Variants in CIC observed in about 807,000 individuals in gnomAD.
CIC encodes the protein protein capicua homolog.
CIC carries 18 observed loss-of-function variants against 115.7 expected under a neutral mutation model. That is an observed-to-expected ratio of 0.16 (90% CI 0.11 to 0.23). The LOEUF (loss-of-function observed/expected upper bound fraction) is 0.23, where lower values mean the gene tolerates loss of function less well. CIC is among the 10% of genes least tolerant of loss of function. The probability of loss-of-function intolerance (pLI) is 1.00; values close to 1 mark genes in which losing one functional copy is unlikely to be tolerated. For synonymous variants in CIC, 1,076 were observed against 923.0 expected, an observed-to-expected ratio of 1.17 and a Z score of -3.01; for missense variants, 2,000 against 2,159.3, an observed-to-expected ratio of 0.93 and a Z score of 1.46.
Position 42,280,718 on chromosome 19 carries a change from G to A in CIC, c.2795-6053G>A, listed in dbSNP as rs2037195880. On this transcript the variant is annotated intron_variant, in intron 2 of 20. Transcript: ENST00000681038. The surrounding 1 kb of genome is among the most constrained non-coding windows in gnomAD (Gnocchi z 4.9). Reference sequence around the variant, plus strand: ...AAGCGGCTTTGTGGAGCCTGCCGGGGGTTGGCTGGGGGCCAGGCGGCGAGT... The same window carrying A: ...AAGCGGCTTTGTGGAGCCTGCCGGGAGTTGGCTGGGGGCCAGGCGGCGAGT... Among the ~76,000 whole-genome samples the A allele has an allele frequency of 6.6e-6, 1 of 152,114 alleles. No homozygotes were observed. The highest frequency in any genetic ancestry group is 2.4e-5 in the African/African-American group (1 of 41,432).
Position 42,292,632 on chromosome 19 carries a change from C to T in CIC, c.5969C>T (p.Pro1990Leu), listed in dbSNP as rs746217053. 1.2e-5 allele frequency: 19 copies of T among 1,613,436 alleles called. No homozygotes were observed. Among genetic ancestry groups the T allele is most frequent in the East Asian group, 6.7e-5 (3 of 44,892 alleles). Residue 1990 changes from proline (P) to leucine (L), a missense_variant, in exon 15 of 21, where the codon CCG becomes CTG. Transcript: ENST00000681038. Reference sequence around the variant, plus strand: ...TCACCTGTGCCCAGTCCCCAGCTGCCGCCTGCCTGTGCAGCCCCCGGAGGT... The same window carrying T: ...TCACCTGTGCCCAGTCCCCAGCTGCTGCCTGCCTGTGCAGCCCCCGGAGGT... ...GVSPVPSPQL[P>L]PACAAPGGPV...
rs2036818626 is a variant in CIC, at chr19:42,272,296, C to T, written c.513C>T (p.His171=). 2 of 398,496 alleles carry T rather than the reference C, an allele frequency of 5.0e-6. No individual in the cohort carries two copies. The highest frequency in any genetic ancestry group is 2.5e-4 in the South Asian group (2 of 7,870). 24.7% of individuals were successfully genotyped at this position (398,496 alleles called of 1,614,324 possible). ...RSSSTDTASE[H]SADLEDEPAE... is the part of the protein sequence containing the mutation. ...CCTCCACTGACACAGCCAGCGAGCA[C>T]TCGGCGGACCTGGAGGATGAGCCGG... The change falls in exon 2 of 21, where the codon CAC becomes CAT. Residue 171 remains histidine, a synonymous_variant. Coordinates refer to ENST00000681038, the MANE Select transcript of CIC (RefSeq NM_001386298.1).
intron 2 of CIC, among the ~76,000 whole-genome samples, chr19:42,282,150 G>C (rs561100227): frequency 6.6e-6 from 1 of 152,186 alleles, no homozygotes; most frequent in Non-Finnish European, 1.5e-5. Context: ...GAAGGAGGGG[G>C]CAGTCACCTA....
At chr19:42,268,675 TC>T (rs1243367136), upstream of CIC, 3 of 152,374 alleles carry the variant, frequency 2.0e-5, no homozygotes, top group Non-Finnish European at 4.4e-5. Context: ...CTTTTTCTCC[TC>T]GCCGGGTTTC....
At position 42,279,576 on chromosome 19, in the gene CIC, G is replaced by C. The variant is rs73932880; in HGVS notation, c.2794+4999G>C. Among the ~76,000 whole-genome samples the C allele has an allele frequency of 6.1e-3, 928 of 152,376 alleles. 11 individuals carry two copies. Among genetic ancestry groups the C allele is most frequent in the African/African-American group, 0.021 (884 of 41,586 alleles). On this transcript the variant is annotated intron_variant, in intron 2 of 20. Coordinates refer to ENST00000681038, the MANE Select transcript of CIC (RefSeq NM_001386298.1). ...AGCAAAGACCAGGAAGAGTGAAAGTGCATGAACTCCGAGTGGCTAGTTGAG... is the reference window on the plus strand; with the variant it reads ...AGCAAAGACCAGGAAGAGTGAAAGTCCATGAACTCCGAGTGGCTAGTTGAG...
chr19:42,270,831 G>A lies in CIC; in HGVS notation c.-10-943G>A, dbSNP rs1334343895. On this transcript the variant is annotated intron_variant, in intron 1 of 20. Coordinates refer to ENST00000681038, the MANE Select transcript of CIC (RefSeq NM_001386298.1). The surrounding 1 kb of genome is among the most constrained non-coding windows in gnomAD (Gnocchi z 4.1). ...TGTCCCACTGTGTGATGACGTGTGC[G>A]TGCTTCTGTGCGTGTGTGTGTGTTT... 6.6e-6 allele frequency among the ~76,000 whole-genome samples: 1 copy of A among 152,184 alleles called. No individual in the cohort carries two copies. Among genetic ancestry groups the A allele is most frequent in the Non-Finnish European group, 1.5e-5 (1 of 68,016 alleles).
In CIC at chr19:42,293,113, G is replaced by C. The variant is rs368811332; in HGVS notation, c.6354G>C (p.Glu2118Asp). 3.7e-6 allele frequency: 6 copies of C among 1,609,444 alleles called. No homozygotes were observed. The highest frequency in any genetic ancestry group is 2.7e-5 in the African/African-American group (2 of 75,004). Residue 2118 changes from glutamate (E) to aspartate (D), a missense_variant, in exon 16 of 21, where the codon GAG becomes GAC. Around this residue, in one of 8 missense-constraint regions of CIC, gnomAD observed 1,466 missense variants for 1,390.4 expected, o/e 1.05. Transcript: ENST00000681038. ...GCCCTGCACCCCGGCAGCCTCTGGA[G>C]CCTGGCCCAGTCCGAGAGCCAACTG... ...RPGPAPRQPL[E>D]PGPVREPTAP...
rs2037182247 is a variant in CIC at position 42,280,505 on chromosome 19, C to A, written c.2794+5928C>A. 6.6e-6 allele frequency among the ~76,000 whole-genome samples: 1 copy of A among 152,184 alleles called. No individual in the cohort carries two copies. Among genetic ancestry groups the A allele is most frequent in the Admixed American group, 6.5e-5 (1 of 15,294 alleles). Reference sequence around the variant, plus strand: ...TTCTCATTGGCTGCCGTCTCGCCCGCTGACCGCTGATTGGCCGAGACCTGC... The same window carrying A: ...TTCTCATTGGCTGCCGTCTCGCCCGATGACCGCTGATTGGCCGAGACCTGC... On this transcript the variant is annotated intron_variant, in intron 2 of 20. Coordinates refer to ENST00000681038, the MANE Select transcript of CIC (RefSeq NM_001386298.1). This position sits in a 1 kb window ranked among gnomAD's most constrained non-coding sequence, Gnocchi z 4.9.
In CIC at chr19:42,273,513, G is replaced by T. The variant is rs1212947766; in HGVS notation, c.1730G>T (p.Gly577Val). 2 of 398,392 alleles carry T rather than the reference G, an allele frequency of 5.0e-6. No individual in the cohort carries two copies. Among genetic ancestry groups the T allele is most frequent in the African/African-American group, 2.1e-5 (1 of 48,622 alleles). The allele number at this position is 398,392 out of a possible 1,614,324, so 24.7% of individuals were successfully genotyped here. A position where few individuals can be genotyped will look rare whatever the true frequency, so the allele number is the denominator to read the frequency against. The change falls in exon 2 of 21, where the codon GGA (glycine) becomes GTA (valine). Residue 577 changes from glycine (G) to valine (V), a missense_variant. Around this residue, in one of 8 missense-constraint regions of CIC, gnomAD observed 222 missense variants for 247.7 expected, o/e 0.90. Transcript: ENST00000681038. Reference sequence around the variant, plus strand: ...GAGGCCAGCAGTGTGGCGGCTCGTGGAGACTCACGGCCACGCCTGGTGGCC... The same window carrying T: ...GAGGCCAGCAGTGTGGCGGCTCGTGTAGACTCACGGCCACGCCTGGTGGCC... ...DSEASSVAAR[G>V]DSRPRLVAPA...
chr19:42,283,222 G>T (rs1362281377), intron 2 of CIC, among the ~76,000 whole-genome samples: 2 of 152,080 alleles, frequency 1.3e-5, no homozygotes, highest in Non-Finnish European at 2.9e-5. Flanking sequence ...TGGGAGGGGT[G>T]TGGAGTGTGT....
chr19:42,284,702 A>T, intron 2 of CIC: 1 of 1,547,236 alleles, frequency 6.5e-7, no homozygotes, highest in Non-Finnish European at 8.7e-7. Flanking sequence ...CCTGCGCCGG[A>T]CCATGTATTC....
chr19:42,269,163 C>G (rs557538040), upstream of CIC: 63 of 152,178 alleles, frequency 4.1e-4, no homozygotes, highest in African/African-American at 1.4e-3. Flanking sequence ...GCCGACCAGT[C>G]TGCGGATATC....
chr19:42,287,311 C>T lies in CIC; in HGVS notation c.3180-9C>T, dbSNP rs747679652. ...CATGGCCCTCACTGTCCCTGCTGCC[C>T]CGCCGCAGCTTCCTCTCCATCATGT... On this transcript the variant is annotated splice_polypyrimidine_tract_variant and intron_variant, in intron 4 of 20. Coordinates refer to ENST00000681038, the MANE Select transcript of CIC (RefSeq NM_001386298.1). This position sits in a 1 kb window ranked among gnomAD's most constrained non-coding sequence, Gnocchi z 8.7. 3.3e-5 allele frequency: 53 copies of T among 1,613,886 alleles called. No individual in the cohort carries two copies. The highest frequency in any genetic ancestry group is 3.1e-4 in the South Asian group (28 of 91,084).
In CIC at chr19:42,295,645, C is replaced by A. The variant is rs915335071; in HGVS notation, c.*454C>A. ...GGCACGGGGAGGGTTTTCTCCTCAC[C>A]CCCTCTGCCCTCCCAACTTGGGTTG... On this transcript the variant is annotated 3_prime_UTR_variant, in exon 21 of 21. Coordinates refer to ENST00000681038, the MANE Select transcript of CIC (RefSeq NM_001386298.1). 3 of 236,072 alleles carry A rather than the reference C, an allele frequency of 1.3e-5. No homozygotes were observed. Among genetic ancestry groups the A allele is most frequent in the Non-Finnish European group, 2.5e-5 (3 of 120,004 alleles). The allele number at this position is 236,072 out of a possible 1,614,324, so 14.6% of individuals were successfully genotyped here.
intron 19 of CIC, 129 bp from the exon 20 acceptor site, chr19:42,294,475 T>G: frequency 6.5e-7 from 1 of 1,547,536 alleles, no homozygotes; most frequent in Non-Finnish European, 8.8e-7. Flanking sequence ...GCCCTGTGAC[T>G]GTGGGCAGGA....
chr19:42,284,279 A>C (rs2147127320), intron 2 of CIC: 1 of 143,750 alleles, frequency 7.0e-6, no homozygotes, highest in South Asian at 2.2e-4. Context: ...CGAGCGAGCC[A>C]GCGAGCGGGG....
rs755400519 is a variant in CIC at position 42,292,130 on chromosome 19, G to A, written c.5658G>A (p.Leu1886=). Residue 1886 remains leucine (L), a synonymous_variant, in exon 13 of 21, where the codon CTG becomes CTA. Transcript: ENST00000681038. Reference sequence around the variant, plus strand: ...TGCCTGTGAGCACACCCAGCGGCCTGGTGCCGCCCCTGAGCCCAGCCACAC... The same window carrying A: ...TGCCTGTGAGCACACCCAGCGGCCTAGTGCCGCCCCTGAGCCCAGCCACAC... ...TPVPVSTPSG[L]VPPLSPATLP... The A allele has an allele frequency of 4.8e-5, 78 of 1,613,534 alleles. No homozygotes were observed. Among genetic ancestry groups the A allele is most frequent in the Non-Finnish European group, 5.6e-5 (66 of 1,179,934 alleles).
At chr19:42,288,733 CTGGTGGTGGG>C (rs1309243175) in intron 7 of CIC, among the ~76,000 whole-genome samples, 145 bp from the exon 8 acceptor site, 8 of 151,788 alleles carry the variant, frequency 5.3e-5, no homozygotes, top group Non-Finnish European at 2.9e-5. Context: ...AGATGCTGGA[CTGGTGGTGGG>C]TGGTGGTTTT....
intron 2 of CIC, chr19:42,284,723 C>G (rs1305311471): frequency 6.4e-7 from 1 of 1,554,810 alleles, no homozygotes; most frequent in Non-Finnish European, 8.7e-7. Flanking sequence ...GGCCCACAGG[C>G]CCCTGATGCC....
Sources: gnomAD v4.1 joint callset for allele counts (sites outside exome capture counted in the v4.1 genomes callset) on GRCh38, gnomAD v4.1.1 for gene constraint, gnomAD v4.1.1 regional missense constraint, Gnocchi (gnomAD v3.1) non-coding constraint, MANE v1.5 for transcripts, NCBI Gene and HGNC (gene_info 2026-07-23, HGNC 2026-07-21) for gene names.